Variants in ANKRD18B observed in about 807,000 individuals in gnomAD.
The protein encoded by ANKRD18B is ankyrin repeat domain 18B.
A neutral mutation model predicts 111.8 loss-of-function variants in ANKRD18B; 75 were observed. That is an observed-to-expected ratio of 0.67 (90% CI 0.56 to 0.81). The LOEUF is 0.81. Ranked by LOEUF, ANKRD18B falls within the 40% of genes least tolerant of loss-of-function variation. The pLI is 0.00. For synonymous variants in ANKRD18B, 356 were observed against 417.3 expected, an observed-to-expected ratio of 0.85 and a Z score of 1.79; for missense variants, 1,038 against 1,225.5, an observed-to-expected ratio of 0.85 and a Z score of 2.28.
At chr9:33,533,877 C>CCATTAT (rs1365567662) in intron 4 of ANKRD18B, 1 of 146,962 alleles carries the variant, frequency 6.8e-6, no homozygotes, top group Admixed American at 7.2e-5. Context: ...ACTACTATTA[C>CCATTAT]CATTATCATT....
intron 6 of ANKRD18B, among the ~76,000 whole-genome samples, chr9:33,537,350 TA>T (rs1319141820): frequency 7.2e-5 from 11 of 152,098 alleles, no homozygotes; most frequent in African/African-American, 1.7e-4. Flanking sequence ...AAGAGCAGTT[TA>T]AAAAAATATG....
At chr9:33,552,733 TGG>T (rs1370923730) in intron 12 of ANKRD18B, among the ~76,000 whole-genome samples, 1 of 151,326 alleles carries the variant, frequency 6.6e-6, no homozygotes, top group East Asian at 2.0e-4. Context: ...ACACATACAA[TGG>T]TCAAGAGATA....
chr9:33,553,806 C>T (rs886219304), intron 12 of ANKRD18B, among the ~76,000 whole-genome samples: 6 of 152,034 alleles, frequency 3.9e-5, no homozygotes, highest in African/African-American at 7.2e-5. Flanking sequence ...GGCTGGGTGC[C>T]GTGGCTCACA....
chr9:33,554,590 A>T (rs1828495393), intron 12 of ANKRD18B, among the ~76,000 whole-genome samples: 1 of 152,150 alleles, frequency 6.6e-6, no homozygotes, highest in Admixed American at 6.5e-5. Context: ...ATCATGTGGT[A>T]AGGAGTTCAA....
At chr9:33,530,718 T>C (rs1828101732) in intron 3 of ANKRD18B, among the ~76,000 whole-genome samples, 1 of 152,212 alleles carries the variant, frequency 6.6e-6, no homozygotes, top group African/African-American at 2.4e-5. Flanking sequence ...TTATCTGTCT[T>C]TCTCTACGTT....
intron 14 of ANKRD18B, among the ~76,000 whole-genome samples, chr9:33,560,564 T>C (rs961709542): frequency 2.6e-5 from 4 of 152,248 alleles, no homozygotes; most frequent in Non-Finnish European, 5.9e-5. Flanking sequence ...TTTCTTCTTA[T>C]TGCTGAGTAA....
chr9:33,566,597 C>T, intron 15 of ANKRD18B, 97 bp downstream of exon 15: 1 of 1,413,550 alleles, frequency 7.1e-7, no homozygotes, highest in Non-Finnish European at 9.4e-7. Flanking sequence ...GTTTCCTCTG[C>T]CTCTCTTACG....
At chr9:33,535,722 A>C (rs1393778646) in intron 5 of ANKRD18B, among the ~76,000 whole-genome samples, 1 of 146,132 alleles carries the variant, frequency 6.8e-6, no homozygotes. Context: ...TATTTATATT[A>C]TTTTATATTT....
chr9:33,574,755 AAC>A (rs571076791), downstream of ANKRD18B, among the ~76,000 whole-genome samples: 27 of 152,270 alleles, frequency 1.8e-4, no homozygotes, highest in African/African-American at 6.5e-4. Flanking sequence ...GACACACACA[AAC>A]ACATGCATAC....
intron 17 of ANKRD18B, 25 bp from the exon 18 acceptor site, chr9:33,571,221 T>C: frequency 2.3e-6 from 2 of 852,194 alleles, no homozygotes; most frequent in Non-Finnish European, 2.8e-6. Context: ...AACATTATTA[T>C]TATTTTTTTT....
chr9:33,561,141 T>A (rs750218628), intron 14 of ANKRD18B, among the ~76,000 whole-genome samples: 5 of 152,236 alleles, frequency 3.3e-5, no homozygotes, highest in Non-Finnish European at 7.3e-5. Flanking sequence ...TGCACCACTT[T>A]ACATCCCCGG....
At chr9:33,527,889 A>G (rs2117967497) in intron 1 of ANKRD18B, among the ~76,000 whole-genome samples, 1 of 152,368 alleles carries the variant, frequency 6.6e-6, no homozygotes, top group South Asian at 2.1e-4. Flanking sequence ...AATTGTAAAT[A>G]CCGCTCCAAT....
chr9:33,546,913 A>G (rs1828364752), intron 10 of ANKRD18B, among the ~76,000 whole-genome samples: 1 of 152,114 alleles, frequency 6.6e-6, no homozygotes, highest in Non-Finnish European at 1.5e-5. Flanking sequence ...CCAGGATTCC[A>G]CACTAGAAAC....
At chr9:33,532,626 T>G (rs866192800) in intron 3 of ANKRD18B, among the ~76,000 whole-genome samples, 2 of 152,098 alleles carry the variant, frequency 1.3e-5, no homozygotes, top group African/African-American at 2.4e-5. Flanking sequence ...ATAAGGAAAA[T>G]AAGTGCATTT....
intron 18 of ANKRD18B, 62 bp from the exon 19 acceptor site, chr9:33,572,254 C>G (rs1351174089): frequency 7.5e-7 from 1 of 1,326,916 alleles, no homozygotes; most frequent in Admixed American, 1.9e-5. Flanking sequence ...ACATTTTAAA[C>G]TTACACTTCG....
intron 7 of ANKRD18B, 127 bp from the exon 8 acceptor site, chr9:33,539,951 T>C (rs1460267571): frequency 2.0e-5 from 3 of 150,674 alleles, no homozygotes; most frequent in African/African-American, 7.3e-5. Flanking sequence ...AAACACCATG[T>C]TCTCACAAGA....
chr9:33,554,405 G>A (rs1828492747), intron 12 of ANKRD18B, among the ~76,000 whole-genome samples: 1 of 152,204 alleles, frequency 6.6e-6, no homozygotes, highest in African/African-American at 2.4e-5. Context: ...TATAATATGT[G>A]TACTAGAGGG....
downstream of ANKRD18B, among the ~76,000 whole-genome samples, chr9:33,574,906 G>C (rs1828839068): frequency 6.6e-6 from 1 of 152,166 alleles, no homozygotes; most frequent in Non-Finnish European, 1.5e-5. Flanking sequence ...CATCGCCTCT[G>C]TGTTTTGGAG....
intron 12 of ANKRD18B, among the ~76,000 whole-genome samples, chr9:33,555,041 A>G (rs1035574223): frequency 1.5e-5 from 2 of 131,218 alleles, no homozygotes; most frequent in African/African-American, 5.1e-5. Context: ...TAAAAACACA[A>G]TAAGTGATGA....
Sources: gnomAD v4.1 joint callset for allele counts (sites outside exome capture counted in the v4.1 genomes callset) on GRCh38, gnomAD v4.1.1 for gene constraint, MANE v1.5 for transcripts, NCBI Gene and HGNC (gene_info 2026-07-23, HGNC 2026-07-21) for gene names.